Variants in ATRX observed in about 807,000 individuals in gnomAD.
ATRX encodes chromatin remodeler ATRX.
In ATRX, 12 loss-of-function variants were observed where a neutral mutation model predicts 172.6. The ratio of observed to expected loss-of-function variants is 0.07; its 90% confidence interval spans 0.04 to 0.11. The LOEUF is 0.11. ATRX is among the 10% of genes least tolerant of loss of function. The probability of loss-of-function intolerance (pLI) is 1.00; values close to 1 mark genes in which losing one functional copy is unlikely to be tolerated. For synonymous variants in ATRX, 674 were observed against 594.7 expected, an observed-to-expected ratio of 1.13 and a Z score of -1.94; for missense variants, 1,368 against 1,767.4, an observed-to-expected ratio of 0.77 and a Z score of 4.05.
At chrX:77,670,336 C>G (rs1165013990) in intron 10 of ATRX, among the ~76,000 whole-genome samples, 1 of 111,442 alleles carries the variant, frequency 9.0e-6, no homozygotes, top group Non-Finnish European at 1.9e-5. Context: ...AAGCATCACA[C>G]CATATTTTAA....
chrX:77,568,215 A>G (rs782445099), intron 28 of ATRX, among the ~76,000 whole-genome samples: 3 of 111,172 alleles, frequency 2.7e-5, no homozygotes, highest in African/African-American at 6.5e-5. Flanking sequence ...TATTTGTAAC[A>G]ATTAATGAAA....
intron 7 of ATRX, among the ~76,000 whole-genome samples, chrX:77,685,513 G>A (rs2071500824): frequency 1.8e-5 from 2 of 111,883 alleles, no homozygotes; most frequent in Non-Finnish European, 1.9e-5. Context: ...AGTTAAAATG[G>A]CTTATATCCA....
chrX:77,678,717 G>A (rs1459019068), intron 9 of ATRX, among the ~76,000 whole-genome samples: 2 of 110,850 alleles, frequency 1.8e-5, no homozygotes, highest in Non-Finnish European at 3.8e-5. Context: ...TTGAACTACT[G>A]ACCTCAGATA....
At chrX:77,728,745 ATTTCT>A (rs1395993363) in intron 1 of ATRX, among the ~76,000 whole-genome samples, 23 of 94,513 alleles carry the variant, frequency 2.4e-4, no homozygotes, top group South Asian at 5.2e-4. Context: ...GTAAGAAAGT[ATTTCT>A]TTTCTTTTCT....
At chrX:77,684,690 C>T in intron 8 of ATRX, 97 bp from the exon 9 acceptor site, 1 of 985,362 alleles carries the variant, frequency 1.0e-6, no homozygotes, top group Non-Finnish European at 1.4e-6. Flanking sequence ...CAACAAAACT[C>T]ATTTTAATCT....
At chrX:77,584,076 T>C (rs1218777546) in intron 27 of ATRX, among the ~76,000 whole-genome samples, 4 of 111,348 alleles carry the variant, frequency 3.6e-5, no homozygotes, top group African/African-American at 9.8e-5. Context: ...AGTAATCCCA[T>C]GTACAATAGC....
At chrX:77,678,397 A>T (rs1449439037) in intron 9 of ATRX, among the ~76,000 whole-genome samples, 3 of 112,415 alleles carry the variant, frequency 2.7e-5, no homozygotes, top group African/African-American at 9.7e-5. Flanking sequence ...TTTGAAGTTC[A>T]AATGCCAACT....
At chrX:77,748,848 G>A (rs1022905190) in intron 1 of ATRX, among the ~76,000 whole-genome samples, 1 of 111,263 alleles carries the variant, frequency 9.0e-6, no homozygotes, top group Non-Finnish European at 1.9e-5. Flanking sequence ...CGGCCTCCCA[G>A]AGTGCTAGGA....
chrX:77,701,511 T>C (rs1352315887), intron 2 of ATRX, among the ~76,000 whole-genome samples: 1 of 96,590 alleles, frequency 1.0e-5, no homozygotes, highest in Non-Finnish European at 2.1e-5. Context: ...AAACTCCGTC[T>C]CAAAAAAAAA....
At chrX:77,607,110 A>T (rs782780563) in intron 22 of ATRX, among the ~76,000 whole-genome samples, 24 of 112,067 alleles carry the variant, frequency 2.1e-4, no homozygotes, top group Non-Finnish European at 2.4e-4. Context: ...CTGTTATTCA[A>T]CATCATACTG....
At position 77,786,117 on chromosome X, in the gene ATRX, T is replaced by C; in HGVS notation, c.-116A>G. On this transcript the variant is annotated 5_prime_UTR_variant, in exon 1 of 35. Coordinates refer to ENST00000373344, the MANE Select transcript of ATRX (RefSeq NM_000489.6). ...TCTTAGTCGTCACTGTAGCTGCTGCTGGAACCTCCCCACAGCTCAAAGGCC... is the reference window on the plus strand; with the variant it reads ...TCTTAGTCGTCACTGTAGCTGCTGCCGGAACCTCCCCACAGCTCAAAGGCC... 1 of 905,356 alleles carries C rather than the reference T, an allele frequency of 1.1e-6. No individual in the cohort carries two copies. The highest frequency in any genetic ancestry group is 1.5e-6 in the Non-Finnish European group (1 of 650,587). 74.6% of individuals were successfully genotyped at this position (905,356 alleles called of 1,213,427 possible).
chrX:77,509,789 C>T (rs1007980412), intron 34 of ATRX, among the ~76,000 whole-genome samples: 5 of 110,132 alleles, frequency 4.5e-5, no homozygotes, highest in Admixed American at 9.7e-5. Flanking sequence ...ACCCGAGTTC[C>T]GACAAGCTTT....
chrX:77,649,349 A>T (rs2069093029), intron 15 of ATRX, among the ~76,000 whole-genome samples: 1 of 112,116 alleles, frequency 8.9e-6, no homozygotes, highest in African/African-American at 3.2e-5. Flanking sequence ...CATTTGAAGA[A>T]ATTCACCATT....
At chrX:77,657,490 G>A (rs1207519417) in intron 12 of ATRX, among the ~76,000 whole-genome samples, 2 of 111,426 alleles carry the variant, frequency 1.8e-5, no homozygotes, top group African/African-American at 6.5e-5. Context: ...CATGTTGAAA[G>A]GACACAAGAT....
chrX:77,669,195 G>A (rs1281898137), intron 10 of ATRX, among the ~76,000 whole-genome samples: 2 of 111,874 alleles, frequency 1.8e-5, no homozygotes, highest in Non-Finnish European at 1.9e-5. Flanking sequence ...AAAGTCAGGA[G>A]TAGAACCTAA....
At position 77,666,006 on chromosome X, in the gene ATRX, C is replaced by A. The variant is rs375602668; in HGVS notation, c.3810-1228G>T. 6.3e-4 allele frequency among the ~76,000 whole-genome samples: 32 copies of A among 51,197 alleles called. 1 individual carries two copies. In the East Asian group the frequency reaches 8.2e-3, roughly 13 times the overall value. 44.5% of individuals were successfully genotyped at this position (51,197 alleles called of 115,157 possible). ...GGAGATATTAATGCATGTTAGCTGCCTCCTAAATTTTATTTGACAGATTGT... is the reference window on the plus strand; with the variant it reads ...GGAGATATTAATGCATGTTAGCTGCATCCTAAATTTTATTTGACAGATTGT... On this transcript the variant is annotated intron_variant, in intron 10 of 34. Transcript: ENST00000373344.
chrX:77,573,420 A>C (rs1602603090), intron 28 of ATRX, among the ~76,000 whole-genome samples: 1 of 111,687 alleles, frequency 9.0e-6, no homozygotes, highest in East Asian at 2.8e-4. Flanking sequence ...GCAACATATG[A>C]CTATATATAA....
At chrX:77,736,906 C>A (rs1293018830) in intron 1 of ATRX, among the ~76,000 whole-genome samples, 1 of 111,437 alleles carries the variant, frequency 9.0e-6, no homozygotes, top group Non-Finnish European at 1.9e-5. Flanking sequence ...GAATGAGATC[C>A]CGTCATTTGC....
chrX:77,569,260 C>T (rs2065320510), intron 28 of ATRX, among the ~76,000 whole-genome samples: 1 of 111,649 alleles, frequency 9.0e-6, no homozygotes, highest in African/African-American at 3.3e-5. Context: ...AACTATATTA[C>T]TCTTAAGTTT....
Sources: gnomAD v4.1 joint callset for allele counts (sites outside exome capture counted in the v4.1 genomes callset) on GRCh38, gnomAD v4.1.1 for gene constraint, MANE v1.5 for transcripts, NCBI Gene and HGNC (gene_info 2026-07-23, HGNC 2026-07-21) for gene names.